Variants in SKI observed in about 807,000 individuals in gnomAD.
The protein encoded by SKI is SKI proto-oncogene.
SKI carries 23 observed loss-of-function variants against 59.3 expected under a neutral mutation model. The observed-to-expected ratio is 0.39, with a 90% CI of 0.28 to 0.55. SKI has a LOEUF of 0.55. Among genes scored for constraint, SKI ranks in the 20% least tolerant of loss-of-function variants. SKI has a pLI of 0.67. For synonymous variants in SKI, 673 were observed against 488.6 expected, an observed-to-expected ratio of 1.38 and a Z score of -4.98; for missense variants, 1,017 against 1,038.9, an observed-to-expected ratio of 0.98 and a Z score of 0.29.
chr1:2,289,145 A>G (rs922451910), intron 1 of SKI, among the ~76,000 whole-genome samples: 7 of 152,164 alleles, frequency 4.6e-5, no homozygotes, highest in Non-Finnish European at 1.0e-4. Context: ...CCCGAGGAGC[A>G]GTGGTTGGTG....
chr1:2,262,351 C>CA (rs1465700653), intron 1 of SKI, among the ~76,000 whole-genome samples: 44 of 144,186 alleles, frequency 3.1e-4, no homozygotes, highest in Admixed American at 2.0e-3. Flanking sequence ...GGCGTGGAAT[C>CA]AGAGTTTGGG....
At chr1:2,278,875 G>T (rs1639805108) in intron 1 of SKI, among the ~76,000 whole-genome samples, 1 of 152,176 alleles carries the variant, frequency 6.6e-6, no homozygotes, top group Non-Finnish European at 1.5e-5. Context: ...GGGGTGTTGG[G>T]GCTAAGGTTT....
chr1:2,298,406 C>T (rs1435947838), intron 1 of SKI, among the ~76,000 whole-genome samples: 1 of 152,192 alleles, frequency 6.6e-6, no homozygotes, highest in Non-Finnish European at 1.5e-5. Context: ...GCGCCTCTCC[C>T]TTGGAGCAGG....
intron 1 of SKI, among the ~76,000 whole-genome samples, chr1:2,256,689 C>T (rs568122064): frequency 8.5e-5 from 13 of 152,360 alleles, no homozygotes; most frequent in East Asian, 7.7e-4. Flanking sequence ...CACTTGTCGG[C>T]GCTCCTCAGC....
At chr1:2,240,923 C>G (rs992613677) in intron 1 of SKI, 3 of 439,378 alleles carry the variant, frequency 6.8e-6, no homozygotes, top group East Asian at 3.1e-4. Flanking sequence ...TGTGTTCAGC[C>G]CCTGAGATGC....
At position 2,228,719 on chromosome 1, in the gene SKI, G is replaced by A. The variant is rs1466957888; in HGVS notation, c.-48G>A. 2 of 1,002,968 alleles carry A rather than the reference G, an allele frequency of 2.0e-6. No homozygotes were observed. The highest frequency in any genetic ancestry group is 1.8e-5 in the African/African-American group (1 of 56,794). The allele number at this position is 1,002,968 out of a possible 1,614,324, so 62.1% of individuals were successfully genotyped here. ...GCGGGGCGGCGGCGGGGGCCGGGGGGGCCCGGGCGCGCGGGAGCGGGAGCG... is the reference window on the plus strand; with the variant it reads ...GCGGGGCGGCGGCGGGGGCCGGGGGAGCCCGGGCGCGCGGGAGCGGGAGCG... On this transcript the variant is annotated 5_prime_UTR_variant, in exon 1 of 7. Coordinates refer to ENST00000378536, the MANE Select transcript of SKI (RefSeq NM_003036.4).
chr1:2,246,112 G>A (rs748159875), intron 1 of SKI, among the ~76,000 whole-genome samples: 1 of 152,172 alleles, frequency 6.6e-6, no homozygotes, highest in Non-Finnish European at 1.5e-5. Flanking sequence ...TCTTTTTAAA[G>A]AACCGACTGT....
chr1:2,260,377 C>T (rs1301120844), intron 1 of SKI, among the ~76,000 whole-genome samples: 3 of 152,060 alleles, frequency 2.0e-5, no homozygotes, highest in African/African-American at 4.8e-5. Context: ...ACTGTTGACT[C>T]GTGAGATCTT....
Position 2,229,357 on chromosome 1 carries a change from G to A in SKI, c.591G>A (p.Pro197=), listed in dbSNP as rs774502280. Residue 197 remains proline, a synonymous_variant, in exon 1 of 7, where the codon CCG becomes CCA. Coordinates refer to ENST00000378536, the MANE Select transcript of SKI (RefSeq NM_003036.4). This position sits in a 1 kb window ranked among gnomAD's most constrained non-coding sequence, Gnocchi z 6.3. ...NALLYGGAYP[P]PCKKELAASL... ...TGCTCTACGGCGGCGCCTACCCGCCGCCCTGCAAGAAGGAGCTGGCCGCCA... is the reference window on the plus strand; with the variant it reads ...TGCTCTACGGCGGCGCCTACCCGCCACCCTGCAAGAAGGAGCTGGCCGCCA... The A allele has an allele frequency of 1.3e-6, 2 of 1,597,790 alleles. No individual in the cohort carries two copies. The highest frequency in any genetic ancestry group is 1.7e-5 in the Admixed American group (1 of 58,098).
At position 2,303,263 on chromosome 1, in the gene SKI, A is replaced by T. The variant is rs1327667901; in HGVS notation, c.1096-22A>T. ...GCTTGTTTTTCTCCTGGTCACTCAC[A>T]CAGACAACTCTTTCTCGACAGAGCC... On this transcript the variant is annotated intron_variant, in intron 2 of 6. Transcript: ENST00000378536. This position sits in a 1 kb window ranked among gnomAD's most constrained non-coding sequence, Gnocchi z 5.6. 3.1e-6 allele frequency: 5 copies of T among 1,611,458 alleles called. No homozygotes were observed. The highest frequency in any genetic ancestry group is 4.2e-6 in the Non-Finnish European group (5 of 1,178,870).
chr1:2,260,852 T>C (rs1176693335), intron 1 of SKI, among the ~76,000 whole-genome samples: 1 of 152,202 alleles, frequency 6.6e-6, no homozygotes, highest in Non-Finnish European at 1.5e-5. Flanking sequence ...GTTTGTTCTT[T>C]TGGTTTGGAC....
intron 1 of SKI, among the ~76,000 whole-genome samples, chr1:2,287,190 C>T (rs142892149): frequency 2.6e-5 from 4 of 152,116 alleles, no homozygotes; most frequent in South Asian, 2.1e-4. Flanking sequence ...GACCCTGGGC[C>T]GTGCGGGGCT....
chr1:2,282,640 A>G (rs941908380), intron 1 of SKI, among the ~76,000 whole-genome samples: 1 of 152,108 alleles, frequency 6.6e-6, no homozygotes, highest in African/African-American at 2.4e-5. Context: ...TGCTTCCCCC[A>G]AGCCCGCTGG....
chr1:2,256,585 C>T (rs1017372683), intron 1 of SKI, among the ~76,000 whole-genome samples: 1 of 152,226 alleles, frequency 6.6e-6, no homozygotes, highest in African/African-American at 2.4e-5. Context: ...AGCCACAGCA[C>T]ACTGTGCAGT....
At chr1:2,253,331 G>A (rs1178467334) in intron 1 of SKI, among the ~76,000 whole-genome samples, 1 of 152,144 alleles carries the variant, frequency 6.6e-6, no homozygotes, top group Non-Finnish European at 1.5e-5. Flanking sequence ...CGGTATCACG[G>A]GCTCCAGCAC....
chr1:2,297,717 C>T (rs17364349), intron 1 of SKI, among the ~76,000 whole-genome samples: 23,392 of 152,322 alleles, frequency 0.15, 2,030 homozygotes, highest in Middle Eastern at 0.24. Flanking sequence ...CAGGACTTCC[C>T]GGCCCTTGGC....
At chr1:2,275,522 G>GT (rs1297367402) in intron 1 of SKI, among the ~76,000 whole-genome samples, 357 of 149,464 alleles carry the variant, frequency 2.4e-3, no homozygotes, top group African/African-American at 7.3e-3. Context: ...ACGTTTATCT[G>GT]TTTTTTTTTT....
chr1:2,272,836 C>T (rs866640932), intron 1 of SKI, among the ~76,000 whole-genome samples: 1 of 151,968 alleles, frequency 6.6e-6, no homozygotes, highest in Non-Finnish European at 1.5e-5. Flanking sequence ...CCGAGCCTCC[C>T]CCTCCCACGC....
chr1:2,264,705 A>G (rs1033109994), intron 1 of SKI, among the ~76,000 whole-genome samples: 2 of 151,844 alleles, frequency 1.3e-5, no homozygotes, highest in African/African-American at 4.8e-5. Flanking sequence ...CCTGGCCCCA[A>G]TTTTCAGTAC....
Sources: gnomAD v4.1 joint callset for allele counts (sites outside exome capture counted in the v4.1 genomes callset) on GRCh38, gnomAD v4.1.1 for gene constraint, Gnocchi (gnomAD v3.1) non-coding constraint, MANE v1.5 for transcripts, NCBI Gene and HGNC (gene_info 2026-07-23, HGNC 2026-07-21) for gene names.